The following CCSER1 variants were observed in gnomAD, a reference collection of about 807,000 sequenced individuals.
CCSER1 encodes the protein serine-rich coiled-coil domain-containing protein 1.
Under a neutral mutation model 82.0 loss-of-function variants are expected in CCSER1, and 41 were observed. That is an observed-to-expected ratio of 0.50 (90% CI 0.39 to 0.65). The LOEUF (loss-of-function observed/expected upper bound fraction) is 0.65, where lower values mean the gene tolerates loss of function less well. CCSER1 is among the 30% of genes least tolerant of loss of function. The pLI is 0.00. For missense variants in CCSER1, 1,119 were observed against 1,064.2 expected (o/e 1.05, Z -0.72); for synonymous variants, 414 against 383.9 (o/e 1.08, Z -0.92).
chr4:90,845,983 A>G (rs1479929810), intron 8 of CCSER1, among the ~76,000 whole-genome samples: 1 of 152,104 alleles, frequency 6.6e-6, no homozygotes, highest in Non-Finnish European at 1.5e-5. Context: ...TATGAGTGTT[A>G]TTAACCATAA....
intron 10 of CCSER1, among the ~76,000 whole-genome samples, chr4:91,120,032 T>C (rs1232386084): frequency 6.6e-6 from 1 of 152,020 alleles, no homozygotes; most frequent in Non-Finnish European, 1.5e-5. Context: ...TTATATGTGA[T>C]GACTAAAATA....
rs200433998 is a variant in CCSER1 at position 91,193,827 on chromosome 4, T to TG, written c.2217+107833_2217+107834insG. Reference sequence around the variant, plus strand: ...TCTTCCTGTTTGTTTTATTGATTTTTTTTTTCAAATGCTATGGCCTGATGT... The same window carrying TG: ...TCTTCCTGTTTGTTTTATTGATTTTTGTTTTTCAAATGCTATGGCCTGATGT... On this transcript the variant is annotated intron_variant, in intron 10 of 10. Transcript: ENST00000509176. 3.5e-3 allele frequency among the ~76,000 whole-genome samples: 527 copies of TG among 152,060 alleles called. 4 individuals are homozygous for TG. Among genetic ancestry groups the TG allele is most frequent in the African/African-American group, 0.012 (505 of 41,462 alleles).
In CCSER1 at chr4:90,527,284, G is replaced by A. The variant is rs1277876279; in HGVS notation, c.1724+58930G>A. Among the ~76,000 whole-genome samples the A allele has an allele frequency of 3.9e-5, 6 of 152,222 alleles. No individual in the cohort carries two copies. In the East Asian group the frequency reaches 1.2e-3, roughly 29 times the overall value. On this transcript the variant is annotated intron_variant, in intron 5 of 10. Coordinates refer to ENST00000509176, the MANE Select transcript of CCSER1 (RefSeq NM_001145065.2). Reference sequence around the variant, plus strand: ...ACAACCCCATCAAAAAATGGGCAAAGGATATGAACAGACGCTTCTCAAAAG... The same window carrying A: ...ACAACCCCATCAAAAAATGGGCAAAAGATATGAACAGACGCTTCTCAAAAG...
chr4:90,848,823 TTTA>T (rs1684392805), intron 8 of CCSER1, among the ~76,000 whole-genome samples: 1 of 152,160 alleles, frequency 6.6e-6, no homozygotes, highest in African/African-American at 2.4e-5. Flanking sequence ...ATCTGATGGT[TTTA>T]TTTATTTTAT....
chr4:91,052,059 AT>A (rs1478661646), intron 9 of CCSER1, among the ~76,000 whole-genome samples: 1 of 152,084 alleles, frequency 6.6e-6, no homozygotes, highest in Non-Finnish European at 1.5e-5. Flanking sequence ...ATACAAGATA[AT>A]TATTTGAAAT....
At chr4:91,412,256 G>A (rs190076161) in intron 10 of CCSER1, among the ~76,000 whole-genome samples, 4 of 152,060 alleles carry the variant, frequency 2.6e-5, no homozygotes, top group Non-Finnish European at 4.4e-5. Context: ...CATCCACCGA[G>A]GAATCAGGGA....
intron 8 of CCSER1, among the ~76,000 whole-genome samples, chr4:90,822,660 G>A (rs1258020284): frequency 1.3e-5 from 2 of 150,734 alleles, no homozygotes; most frequent in Non-Finnish European, 3.0e-5. Context: ...CCTGGGAGGC[G>A]GAGGCTGCAG....
chr4:90,806,370 G>C (rs1163591384), intron 7 of CCSER1, among the ~76,000 whole-genome samples: 1 of 152,112 alleles, frequency 6.6e-6, no homozygotes, highest in Non-Finnish European at 1.5e-5. Context: ...TTTTAAATGA[G>C]CATAATTTTG....
At chr4:90,882,363 T>C (rs1469346504) in intron 8 of CCSER1, among the ~76,000 whole-genome samples, 5 of 151,890 alleles carry the variant, frequency 3.3e-5, no homozygotes, top group Non-Finnish European at 1.5e-5. Context: ...AAGCACAAAA[T>C]TGTGAATACA....
intron 3 of CCSER1, among the ~76,000 whole-genome samples, chr4:90,391,004 C>T (rs540476096): frequency 2.5e-3 from 384 of 151,000 alleles, no homozygotes; most frequent in African/African-American, 8.9e-3. Flanking sequence ...TGGCTCATGC[C>T]TGTAATCCCA....
intron 9 of CCSER1, among the ~76,000 whole-genome samples, chr4:91,009,034 C>T (rs971643479): frequency 5.3e-5 from 8 of 152,268 alleles, no homozygotes; most frequent in East Asian, 1.9e-4. Flanking sequence ...TGATCGGGAG[C>T]GGCAATGGGT....
intron 8 of CCSER1, among the ~76,000 whole-genome samples, chr4:90,915,434 T>G (rs13136454): frequency 0.052 from 7,932 of 152,240 alleles, 232 homozygotes; most frequent in South Asian, 0.079. Flanking sequence ...TCTCAATAGA[T>G]GCAGAAAAGG....
At chr4:91,441,238 C>G (rs902792460) in intron 10 of CCSER1, among the ~76,000 whole-genome samples, 2 of 151,498 alleles carry the variant, frequency 1.3e-5, no homozygotes, top group Non-Finnish European at 3.0e-5. Context: ...ACTGGCAAAC[C>G]GAATCCAGCA....
At chr4:91,070,926 T>G (rs947911700) in intron 9 of CCSER1, among the ~76,000 whole-genome samples, 2 of 152,172 alleles carry the variant, frequency 1.3e-5, no homozygotes, top group Non-Finnish European at 1.5e-5. Flanking sequence ...GTAGATAGTG[T>G]GATAAGAAAA....
intron 4 of CCSER1, among the ~76,000 whole-genome samples, chr4:90,453,073 A>G (rs550663669): frequency 6.6e-6 from 1 of 152,212 alleles, no homozygotes; most frequent in Admixed American, 6.5e-5. Flanking sequence ...GAACTCAGAG[A>G]GATCTTTTGA....
At chr4:90,467,576 G>A (rs1039392392) in intron 4 of CCSER1, among the ~76,000 whole-genome samples, 3 of 151,964 alleles carry the variant, frequency 2.0e-5, no homozygotes, top group Non-Finnish European at 2.9e-5. Flanking sequence ...CTAGCTACTC[G>A]GGAGGCTGAG....
At chr4:90,918,801 T>C (rs190207810) in intron 8 of CCSER1, among the ~76,000 whole-genome samples, 2 of 151,734 alleles carry the variant, frequency 1.3e-5, no homozygotes. Context: ...GGAGTTCACA[T>C]ATCAAATGAA....
In CCSER1 at chr4:91,481,910, A is replaced by G. The variant is rs566184027; in HGVS notation, c.2218-116662A>G. Among the ~76,000 whole-genome samples the G allele has an allele frequency of 3.9e-5, 6 of 152,238 alleles. No individual in the cohort carries two copies. The South Asian group carries it at 8.3e-4, about 21-fold the overall frequency. ...GGCTAATATCTAGAATTTACAAAGAACTCAAACAAATTTACAAGAAAAAAA... is the reference window on the plus strand; with the variant it reads ...GGCTAATATCTAGAATTTACAAAGAGCTCAAACAAATTTACAAGAAAAAAA... On this transcript the variant is annotated intron_variant, in intron 10 of 10. Coordinates refer to ENST00000509176, the MANE Select transcript of CCSER1 (RefSeq NM_001145065.2).
At chr4:91,516,590 A>G (rs976752858) in intron 10 of CCSER1, among the ~76,000 whole-genome samples, 2 of 152,112 alleles carry the variant, frequency 1.3e-5, no homozygotes, top group Admixed American at 6.6e-5. Flanking sequence ...TATTGGTACT[A>G]TACTGTTTTG....
Sources: allele counts gnomAD v4.1 joint callset (sites outside exome capture counted in the v4.1 genomes callset), GRCh38; gene constraint gnomAD v4.1.1; transcripts MANE v1.5; gene names NCBI Gene and HGNC (gene_info 2026-07-23, HGNC 2026-07-21).